MORC4: variants seen among roughly 807,000 people sequenced by gnomAD.
MORC4 encodes MORC family CW-type zinc finger 4, also known as MORC family CW-type zinc finger protein 4.
In MORC4, 22 loss-of-function variants were observed where a neutral mutation model predicts 65.5. The ratio of observed to expected loss-of-function variants is 0.34; its 90% confidence interval spans 0.24 to 0.48. MORC4 has a LOEUF of 0.48. Ranked by LOEUF, MORC4 falls within the 20% of genes least tolerant of loss-of-function variation. The pLI is 0.99. For missense variants in MORC4, 624 were observed against 703.0 expected, an observed-to-expected ratio of 0.89 and a Z score of 1.27; for synonymous variants, 267 against 255.8, an observed-to-expected ratio of 1.04 and a Z score of -0.42.
At position 106,942,504 on chromosome X, in the gene MORC4, A is replaced by G. The variant is rs1429089701; in HGVS notation, c.2376+11T>C. 3 of 1,195,097 alleles carry G rather than the reference A, an allele frequency of 2.5e-6. No homozygotes were observed. In the Admixed American group the frequency reaches 6.6e-5, roughly 26 times the overall value. ...GGTCTCTTATTCCTAGTGGTGAGGT[A>G]TTACCCTAACCTTTTGCTGGAACAA... On this transcript the variant is annotated intron_variant, in intron 15 of 16. Coordinates refer to ENST00000355610, the MANE Select transcript of MORC4 (RefSeq NM_024657.5).
intron 7 of MORC4, among the ~76,000 whole-genome samples, chrX:106,979,818 C>CT (rs1934703157): frequency 9.0e-6 from 1 of 110,868 alleles, no homozygotes; most frequent in South Asian, 3.8e-4. Context: ...TAGACTGGCT[C>CT]TGTTAAACCT....
chrX:106,977,617 C>T (rs1328902527), intron 8 of MORC4, among the ~76,000 whole-genome samples: 1 of 111,386 alleles, frequency 9.0e-6, no homozygotes, highest in African/African-American at 3.3e-5. Flanking sequence ...TTCCACTTTA[C>T]ATAAAGGTCA....
At chrX:106,955,111 G>A in intron 13 of MORC4, 23 bp from the exon 14 acceptor site, 2 of 1,128,433 alleles carry the variant, frequency 1.8e-6, no homozygotes, top group Non-Finnish European at 2.4e-6. Context: ...GAAATGATTT[G>A]TAAAAGTCTC....
intron 14 of MORC4, among the ~76,000 whole-genome samples, chrX:106,946,894 A>T (rs1013921701): frequency 1.8e-5 from 2 of 111,479 alleles, no homozygotes; most frequent in East Asian, 5.6e-4. Flanking sequence ...CTCCCGTCTC[A>T]GCCTCCCAAA....
At chrX:106,982,154 T>C (rs1257496721) in intron 5 of MORC4, among the ~76,000 whole-genome samples, 1 of 112,118 alleles carries the variant, frequency 8.9e-6, no homozygotes, top group Admixed American at 9.5e-5. Context: ...GACCCATCTT[T>C]ATTCTTGGAA....
At chrX:106,951,952 C>A (rs893358312) in intron 14 of MORC4, among the ~76,000 whole-genome samples, 2 of 90,826 alleles carry the variant, frequency 2.2e-5, no homozygotes, top group African/African-American at 8.9e-5. Context: ...GCCGAGATTG[C>A]GCCACTGCAC....
At chrX:106,971,046 C>T (rs1056403376) in intron 9 of MORC4, among the ~76,000 whole-genome samples, 7 of 111,629 alleles carry the variant, frequency 6.3e-5, no homozygotes. Flanking sequence ...GGAGGCATCA[C>T]ACTACCAGAC....
intron 14 of MORC4, among the ~76,000 whole-genome samples, chrX:106,949,641 T>A (rs1297566964): frequency 8.9e-6 from 1 of 112,639 alleles, no homozygotes; most frequent in Non-Finnish European, 1.9e-5. Context: ...TTGTTCAGAT[T>A]TTTTTTCTTG....
At chrX:106,965,675 A>T (rs1934356797) in intron 9 of MORC4, among the ~76,000 whole-genome samples, 1 of 112,384 alleles carries the variant, frequency 8.9e-6, no homozygotes, top group African/African-American at 3.2e-5. Context: ...GACAGAAAAA[A>T]ACCTACATTG....
intron 7 of MORC4, among the ~76,000 whole-genome samples, chrX:106,979,895 G>C (rs1934704973): frequency 9.0e-6 from 1 of 110,567 alleles, no homozygotes; most frequent in African/African-American, 3.3e-5. Flanking sequence ...AGCAAACAAT[G>C]CTAGCTCTGG....
At chrX:106,958,211 G>T in intron 11 of MORC4, 125 bp downstream of exon 11, 1 of 584,868 alleles carries the variant, frequency 1.7e-6, no homozygotes. Flanking sequence ...AGGTAAGCTG[G>T]GGTCAGTCAG....
At chrX:106,963,929 T>C (rs1231176126) in intron 9 of MORC4, among the ~76,000 whole-genome samples, 1 of 109,584 alleles carries the variant, frequency 9.1e-6, no homozygotes, top group Non-Finnish European at 1.9e-5. Flanking sequence ...AAGGAGAATT[T>C]TGTTTCCAGA....
At position 106,956,996 on chromosome X, in the gene MORC4, G is replaced by C. The variant is rs765907166; in HGVS notation, c.1394C>G (p.Ser465Cys). The change falls in exon 12 of 17, where the codon TCT (serine) becomes TGT (cysteine). Residue 465 changes from serine (S) to cysteine (C), a missense_variant. Transcript: ENST00000355610. ...YNSHPKYRRC[S>C]VPEEQELTDE... ...AGTGAGTTCTTGTTCCTCTGGAACA[G>C]AGCATCTCCTGCAGTACAGAGAATA... 7 of 1,183,550 alleles carry C rather than the reference G, an allele frequency of 5.9e-6. No homozygotes were observed. Among genetic ancestry groups the C allele is most frequent in the East Asian group, 3.0e-5 (1 of 33,549 alleles).
intron 2 of MORC4, among the ~76,000 whole-genome samples, chrX:106,997,384 T>G (rs755030464): frequency 8.9e-6 from 1 of 111,831 alleles, no homozygotes; most frequent in South Asian, 3.8e-4. Flanking sequence ...AGACTGACTT[T>G]CCTGAAGCAC....
intron 3 of MORC4, among the ~76,000 whole-genome samples, chrX:106,990,576 A>G (rs952480546): frequency 8.9e-5 from 10 of 112,680 alleles, no homozygotes; most frequent in Admixed American, 8.4e-4. Context: ...TCTCTTTTAA[A>G]TAAATGGTAT....
chrX:106,989,866 CAA>C (rs752325388), intron 3 of MORC4, among the ~76,000 whole-genome samples: 5 of 54,096 alleles, frequency 9.2e-5, no homozygotes, highest in Admixed American at 2.4e-4. Flanking sequence ...AAACTCCATC[CAA>C]AAAAAAAAAA....
At position 106,965,470 on chromosome X, in the gene MORC4, GAAGT is replaced by G. The variant is rs752789348; in HGVS notation, c.1158-3364_1158-3361del. 2.7e-5 allele frequency among the ~76,000 whole-genome samples: 3 copies of G among 112,287 alleles called. No individual in the cohort carries two copies. The South Asian group carries it at 1.1e-3, about 42-fold the overall frequency. On this transcript the variant is annotated intron_variant, in intron 9 of 16. Transcript: ENST00000355610. Reference sequence around the variant, plus strand: ...ACAGAAAACAAACAGCAAAATGACAGAAGTAAGTCTCTCCTTATCAGTAATTACT... The same window carrying G: ...ACAGAAAACAAACAGCAAAATGACAGAAGTCTCTCCTTATCAGTAATTACT...
At chrX:106,962,220 A>G in intron 9 of MORC4, 110 bp from the exon 10 acceptor site, 3 of 542,045 alleles carry the variant, frequency 5.5e-6, no homozygotes, top group African/African-American at 2.3e-5. Context: ...TATCTGGCAT[A>G]TTTTTGAACA....
intron 9 of MORC4, 113 bp downstream of exon 9, chrX:106,976,471 T>C (rs1199157884): frequency 6.5e-5 from 29 of 446,086 alleles, no homozygotes; most frequent in Non-Finnish European, 1.2e-5. Context: ...AAATTTGAAG[T>C]AATTCTCAGT....
Sources: gnomAD v4.1 joint callset for allele counts (sites outside exome capture counted in the v4.1 genomes callset) on GRCh38, gnomAD v4.1.1 for gene constraint, MANE v1.5 for transcripts, NCBI Gene and HGNC (gene_info 2026-07-23, HGNC 2026-07-21) for gene names.